Variants in CSMD1 observed in about 807,000 individuals in gnomAD.
CSMD1 encodes CUB and Sushi multiple domains 1, also known as CUB and sushi domain-containing protein 1.
In CSMD1, 213 loss-of-function variants were observed where a neutral mutation model predicts 417.5. That is an observed-to-expected ratio of 0.51 (90% CI 0.46 to 0.57). The LOEUF is 0.57. CSMD1 is among the 20% of genes least tolerant of loss of function. The pLI, the probability that CSMD1 is intolerant of heterozygous loss-of-function variation, is 0.00. For synonymous variants in CSMD1, 2,862 were observed against 1,736.8 expected (o/e 1.65, Z -16.11); for missense variants, 6,923 against 4,529.7 (o/e 1.53, Z -15.17).
intron 4 of CSMD1, among the ~76,000 whole-genome samples, chr8:4,030,498 C>G (rs796260491): frequency 7.2e-5 from 11 of 152,272 alleles, no homozygotes; most frequent in African/African-American, 2.4e-4. Context: ...GTTGGAGCAG[C>G]TGGGATGCAG....
intron 1 of CSMD1, among the ~76,000 whole-genome samples, chr8:4,792,199 T>C (rs1797728984): frequency 6.6e-6 from 1 of 152,144 alleles, no homozygotes; most frequent in Admixed American, 6.5e-5. Flanking sequence ...ATAAACACAA[T>C]TAGCCAGACA....
intron 3 of CSMD1, among the ~76,000 whole-genome samples, chr8:4,228,303 C>T (rs900300711): frequency 6.6e-6 from 1 of 152,166 alleles, no homozygotes; most frequent in Non-Finnish European, 1.5e-5. Flanking sequence ...CAGTAAAACT[C>T]TTTGAAATAG....
At chr8:3,120,672 C>A (rs1452359271) in intron 41 of CSMD1, among the ~76,000 whole-genome samples, 2 of 150,462 alleles carry the variant, frequency 1.3e-5, no homozygotes, top group African/African-American at 5.0e-5. Context: ...CATGGTGAAA[C>A]CCTGTCTCTA....
At chr8:3,855,908 C>A (rs1041613877) in intron 5 of CSMD1, among the ~76,000 whole-genome samples, 3 of 152,108 alleles carry the variant, frequency 2.0e-5, no homozygotes, top group African/African-American at 7.2e-5. Flanking sequence ...ACTTGCATTG[C>A]CAAATCTGTA....
intron 2 of CSMD1, among the ~76,000 whole-genome samples, chr8:4,629,961 T>C (rs1051250042): frequency 6.6e-6 from 1 of 152,118 alleles, no homozygotes; most frequent in African/African-American, 2.4e-5. Flanking sequence ...ACCGCAATAT[T>C]TGAATACTTT....
chr8:4,067,220 T>C (rs1303958036), intron 3 of CSMD1, among the ~76,000 whole-genome samples: 2 of 152,250 alleles, frequency 1.3e-5, no homozygotes, highest in African/African-American at 4.8e-5. Context: ...ATCTTTTTTC[T>C]ACATGAAGTC....
intron 3 of CSMD1, among the ~76,000 whole-genome samples, chr8:4,259,869 C>A (rs998347098): frequency 6.6e-6 from 1 of 152,158 alleles, no homozygotes; most frequent in East Asian, 1.9e-4. Flanking sequence ...AATATTGCAG[C>A]TTAAGTTAAT....
At chr8:4,444,999 G>T (rs1026408646) in intron 2 of CSMD1, among the ~76,000 whole-genome samples, 34 of 152,142 alleles carry the variant, frequency 2.2e-4, no homozygotes, top group Non-Finnish European at 4.4e-5. Context: ...TCTTGCATTT[G>T]ATTTTCAGGT....
At chr8:2,954,822 T>C (rs1340453633) in intron 64 of CSMD1, among the ~76,000 whole-genome samples, 1 of 152,232 alleles carries the variant, frequency 6.6e-6, no homozygotes, top group Non-Finnish European at 1.5e-5. Flanking sequence ...CATTCTTCTA[T>C]TTCTAACAGG....
chr8:4,221,680 T>G (rs1291694951), intron 3 of CSMD1, among the ~76,000 whole-genome samples: 1 of 152,132 alleles, frequency 6.6e-6, no homozygotes, highest in Non-Finnish European at 1.5e-5. Context: ...GCACTGCCAT[T>G]CCCACATTCC....
chr8:4,054,933 A>G lies in CSMD1; in HGVS notation c.416-22834T>C, dbSNP rs151217766. Among the ~76,000 whole-genome samples, 100 of 152,238 alleles carry G rather than the reference A, an allele frequency of 6.6e-4. No homozygotes were observed. In the Middle Eastern group the frequency reaches 0.014, roughly 21 times the overall value. On this transcript the variant is annotated intron_variant, in intron 3 of 69. Coordinates refer to ENST00000635120, the MANE Select transcript of CSMD1 (RefSeq NM_033225.6). The stretch of plus-strand genomic sequence containing the variant: ...GCTCTGGGGTTTCTCTTTTAAATCA[A>G]TAAAGTACAAAGAGACATCAAAAGT...
chr8:3,338,580 T>G lies in CSMD1; in HGVS notation c.3631+4714A>C, dbSNP rs146610144. ...ATTTCCCTGTCTTTAAATTAAACAC[T>G]GTTGTTGCCAAGTGCCTGGGCTCAG... On this transcript the variant is annotated intron_variant, in intron 23 of 69. Transcript: ENST00000635120. Among the ~76,000 whole-genome samples the G allele has an allele frequency of 6.7e-3, 1,015 of 152,232 alleles. 9 individuals carry two copies. The highest frequency in any genetic ancestry group is 0.011 in the Non-Finnish European group (734 of 68,008).
At chr8:3,614,427 G>C (rs757454732) in intron 8 of CSMD1, among the ~76,000 whole-genome samples, 5 of 152,042 alleles carry the variant, frequency 3.3e-5, no homozygotes, top group African/African-American at 1.2e-4. Flanking sequence ...AAATAAGTCT[G>C]ATCTGAGAAT....
chr8:3,534,530 A>G (rs1798112027), intron 10 of CSMD1, among the ~76,000 whole-genome samples: 1 of 152,066 alleles, frequency 6.6e-6, no homozygotes, highest in African/African-American at 2.4e-5. Flanking sequence ...AAAAAAAAAA[A>G]AAAAAGAAAA....
At chr8:3,427,273 T>G (rs755297686) in intron 12 of CSMD1, among the ~76,000 whole-genome samples, 1 of 152,152 alleles carries the variant, frequency 6.6e-6, no homozygotes, top group African/African-American at 2.4e-5. Flanking sequence ...GCCTACTTCA[T>G]CGCAAACCAC....
chr8:3,590,837 A>G (rs973680886), intron 8 of CSMD1, among the ~76,000 whole-genome samples: 2 of 152,188 alleles, frequency 1.3e-5, no homozygotes, highest in Non-Finnish European at 2.9e-5. Flanking sequence ...TATTAATTCA[A>G]TCTTTTGCTC....
chr8:3,997,633 T>C (rs1014321092), intron 5 of CSMD1, among the ~76,000 whole-genome samples: 2 of 152,342 alleles, frequency 1.3e-5, no homozygotes, highest in East Asian at 3.9e-4. Flanking sequence ...CTTACTTGGT[T>C]GCTTTAAAAC....
At chr8:4,230,436 A>G (rs1222260296) in intron 3 of CSMD1, among the ~76,000 whole-genome samples, 6 of 152,184 alleles carry the variant, frequency 3.9e-5, no homozygotes, top group Non-Finnish European at 7.4e-5. Flanking sequence ...CTGTGACTTA[A>G]CATATTTATT....
At position 4,856,392 on chromosome 8, in the gene CSMD1, C is replaced by G. The variant is rs1585219489; in HGVS notation, c.85+137940G>C. Among the ~76,000 whole-genome samples the G allele has an allele frequency of 2.1e-5, 3 of 143,770 alleles. No individual in the cohort carries two copies. In the Middle Eastern group the frequency reaches 0.01, roughly 492 times the overall value. 94.3% of individuals were successfully genotyped at this position (143,770 alleles called of 152,430 possible). On this transcript the variant is annotated intron_variant, in intron 1 of 69. Transcript: ENST00000635120. ...AAATAACCAGCTAACATCATAATGA[C>G]AGGATCAAATTCACACATAACAATA...
Sources: allele counts gnomAD v4.1 joint callset (sites outside exome capture counted in the v4.1 genomes callset), GRCh38; gene constraint gnomAD v4.1.1; transcripts MANE v1.5; gene names NCBI Gene and HGNC (gene_info 2026-07-23, HGNC 2026-07-21).